Variants in MTA1 observed in about 807,000 individuals in gnomAD.
MTA1 encodes metastasis associated 1, also known as metastasis-associated protein MTA1.
MTA1 carries 15 observed loss-of-function variants against 97.0 expected under a neutral mutation model. The observed-to-expected ratio is 0.15, with a 90% CI of 0.10 to 0.24. The LOEUF is 0.24. MTA1 is among the 10% of genes least tolerant of loss of function. The probability of loss-of-function intolerance (pLI) is 1.00; values close to 1 mark genes in which losing one functional copy is unlikely to be tolerated. For missense variants in MTA1, 709 were observed against 1,015.1 expected (o/e 0.70, Z 4.10); for synonymous variants, 435 against 417.5 (o/e 1.04, Z -0.51).
chr14:105,458,932 G>A lies in MTA1; in HGVS notation c.653+560G>A, dbSNP rs1196191268. Among the ~76,000 whole-genome samples the A allele has an allele frequency of 5.9e-5, 9 of 152,220 alleles. No individual in the cohort carries two copies. In the East Asian group the frequency reaches 1.5e-3, roughly 26 times the overall value. On this transcript the variant is annotated intron_variant, in intron 8 of 20. Transcript: ENST00000331320. ...GGGGCCCAGGACACGAGGAGTCCTC[G>A]CCACCTGCGGGCTGCTCCCTGCGAT...
In MTA1 at chr14:105,467,765, T is replaced by A. The variant is rs190745878; in HGVS notation, c.1813+1023T>A. The A allele has an allele frequency of 3.1e-4, 93 of 297,268 alleles. No individual in the cohort carries two copies. In the East Asian group the frequency reaches 0.01, roughly 33 times the overall value. 18.4% of individuals were successfully genotyped at this position (297,268 alleles called of 1,614,324 possible). A position where few individuals can be genotyped will look rare whatever the true frequency, so the allele number is the denominator to read the frequency against. ...CCAGCCCACTCTGGGCTGGCTTTAC[T>A]TGTCTGTTCCTAATGGCAGGGCGTC... is the stretch of plus-strand genomic sequence containing the variant. On this transcript the variant is annotated intron_variant, in intron 18 of 20. Transcript: ENST00000331320.
At chr14:105,469,324 C>A in intron 18 of MTA1, 143 bp from the exon 19 acceptor site, 1 of 907,486 alleles carries the variant, frequency 1.1e-6, no homozygotes, top group Non-Finnish European at 1.8e-6. Flanking sequence ...CCACGTCCCC[C>A]AGGCCCATCC....
chr14:105,470,305 A>G lies in MTA1; in HGVS notation c.*90A>G, dbSNP rs2083788438. 6.2e-6 allele frequency: 7 copies of G among 1,128,010 alleles called. No homozygotes were observed. Among genetic ancestry groups the G allele is most frequent in the Non-Finnish European group, 5.7e-6 (5 of 876,720 alleles). 69.9% of individuals were successfully genotyped at this position (1,128,010 alleles called of 1,614,324 possible). On this transcript the variant is annotated 3_prime_UTR_variant, in exon 21 of 21. Coordinates refer to ENST00000331320, the MANE Select transcript of MTA1 (RefSeq NM_004689.4). ...CCCGCCGCCCGCCCCTCAGTTTGGT[A>G]GTGCCCCACCTCCCGCCCTCACCTG... is the stretch of plus-strand genomic sequence containing the variant.
At chr14:105,454,356 C>T in intron 7 of MTA1, 46 bp downstream of exon 7, 1 of 1,380,438 alleles carries the variant, frequency 7.2e-7, no homozygotes, top group South Asian at 1.2e-5. Context: ...CCTGTCCTGT[C>T]CTGCCGGGTG....
intron 1 of MTA1, among the ~76,000 whole-genome samples, chr14:105,435,173 G>A (rs1391575133): frequency 1.3e-5 from 2 of 152,218 alleles, no homozygotes; most frequent in African/African-American, 2.4e-5. Flanking sequence ...GTTTAATAGC[G>A]TATGTGTTGG....
chr14:105,421,122 C>T (rs1382811632), intron 1 of MTA1, among the ~76,000 whole-genome samples: 1 of 151,764 alleles, frequency 6.6e-6, no homozygotes, highest in African/African-American at 2.4e-5. Context: ...CGGTGGGAGC[C>T]CCCTACATCC....
chr14:105,457,191 G>T (rs773095858), intron 7 of MTA1, among the ~76,000 whole-genome samples: 8 of 152,190 alleles, frequency 5.3e-5, no homozygotes, highest in Non-Finnish European at 8.8e-5. Flanking sequence ...CGGCTGAGAG[G>T]TGGACAGAGG....
chr14:105,464,341 G>C (rs1394326644), intron 13 of MTA1, 75 bp from the exon 14 acceptor site: 1 of 1,579,634 alleles, frequency 6.3e-7, no homozygotes, highest in South Asian at 1.1e-5. Flanking sequence ...CGGCCGGCGT[G>C]GGGGTGGCGG....
At chr14:105,445,975 A>C in intron 3 of MTA1, 1 of 293,296 alleles carries the variant, frequency 3.4e-6, no homozygotes, top group Non-Finnish European at 6.6e-6. Flanking sequence ...TTACGATTCA[A>C]ACCCAAGTTT....
Position 105,450,040 on chromosome 14 carries a change from G to A in MTA1, c.242-18G>A. 1 of 1,613,400 alleles carries A rather than the reference G, an allele frequency of 6.2e-7. No individual in the cohort carries two copies. ...TGTGCGTCTGCCGCGGTGCTGACAG[G>A]GGCTCCTTGTCCTTCAGGGGAAATA... On this transcript the variant is annotated intron_variant, in intron 4 of 20. Transcript: ENST00000331320.
At position 105,463,480 on chromosome 14, in the gene MTA1, CT is replaced by C. The variant is rs2083441332; in HGVS notation, c.1018-9del. The C allele has an allele frequency of 1.2e-6, 2 of 1,613,136 alleles. No homozygotes were observed. The highest frequency in any genetic ancestry group is 4.5e-5 in the East Asian group (2 of 44,874). On this transcript the variant is annotated splice_polypyrimidine_tract_variant and intron_variant, in intron 11 of 20. Transcript: ENST00000331320. This position sits in a 1 kb window ranked among gnomAD's most constrained non-coding sequence, Gnocchi z 5.9. ...CTAGCCTGCTGACCTCTGACCTTCTCTTTTGTTTTAAGAAACGCTTGAAAGC... is the reference window on the plus strand; with the variant it reads ...CTAGCCTGCTGACCTCTGACCTTCTCTTTGTTTTAAGAAACGCTTGAAAGC...
In MTA1 at chr14:105,451,787, T is replaced by G. The variant is rs112278077; in HGVS notation, c.432+1463T>G. Among the ~76,000 whole-genome samples the G allele has an allele frequency of 8.2e-3, 1,111 of 135,836 alleles. 7 individuals carry two copies. The highest frequency in any genetic ancestry group is 0.029 in the African/African-American group (1,032 of 35,698). The allele number at this position is 135,836 out of a possible 152,430, so 89.1% of individuals were successfully genotyped here. ...CCTTTTTCTTTTTCTTTTTTTGTTT[T>G]TTTTTTTTTTTTTTTTTTTTGAGAC... On this transcript the variant is annotated intron_variant, in intron 6 of 20. Coordinates refer to ENST00000331320, the MANE Select transcript of MTA1 (RefSeq NM_004689.4).
chr14:105,452,850 C>T (rs989848246), intron 6 of MTA1, among the ~76,000 whole-genome samples: 4 of 152,190 alleles, frequency 2.6e-5, no homozygotes, highest in African/African-American at 4.8e-5. Context: ...AAAGAAAACA[C>T]GCAGAGTAGC....
At chr14:105,461,366 G>A (rs758720160) in intron 10 of MTA1, among the ~76,000 whole-genome samples, 5 of 152,220 alleles carry the variant, frequency 3.3e-5, no homozygotes, top group South Asian at 2.1e-4. Flanking sequence ...TCTGTCTCAC[G>A]TGAGTTTAGC....
In MTA1 at chr14:105,463,876, A is replaced by C; in HGVS notation, c.1077-156A>C. ...TCAGACCTCAGCAGTGGCTCCCAGGAACTGAAAGGGGAGAAAGGAAGATCC... is the reference window on the plus strand; with the variant it reads ...TCAGACCTCAGCAGTGGCTCCCAGGCACTGAAAGGGGAGAAAGGAAGATCC... On this transcript the variant is annotated intron_variant, in intron 12 of 20. Transcript: ENST00000331320. This position sits in a 1 kb window ranked among gnomAD's most constrained non-coding sequence, Gnocchi z 5.9. 1 of 747,830 alleles carries C rather than the reference A, an allele frequency of 1.3e-6. No homozygotes were observed. The highest frequency in any genetic ancestry group is 2.3e-6 in the Non-Finnish European group (1 of 431,276). 46.3% of individuals were successfully genotyped at this position (747,830 alleles called of 1,614,324 possible). A position where few individuals can be genotyped will look rare whatever the true frequency, so the allele number is the denominator to read the frequency against.
At chr14:105,460,605 A>C (rs1267146613) in intron 9 of MTA1, 148 bp downstream of exon 9, 3 of 1,191,962 alleles carry the variant, frequency 2.5e-6, no homozygotes, top group Non-Finnish European at 3.4e-6. Flanking sequence ...GGCCTTTCCT[A>C]TCCACCCCAA....
At chr14:105,469,629 G>A in intron 19 of MTA1, 131 bp downstream of exon 19, 1 of 1,252,176 alleles carries the variant, frequency 8.0e-7, no homozygotes, top group Non-Finnish European at 1.1e-6. Flanking sequence ...GACCAGAGGG[G>A]CTGCAGCATG....
chr14:105,466,424 A>AGTGGGGGGGGG lies in MTA1; in HGVS notation c.1625-1_1625insTGGGGGGGGGG. ...TCGTTCTGCCTGTGTCATTCCCGGC[A>AGTGGGGGGGGG]GAGACCCACCCCCGCCCCCCCAAGC... On this transcript the variant is annotated splice_acceptor_variant, in intron 16 of 20. Transcript: ENST00000331320. LOFTEE classifies it high-confidence loss of function. 1 of 1,550,346 alleles carries AGTGGGGGGGGG rather than the reference A, an allele frequency of 6.5e-7. No homozygotes were observed. Among genetic ancestry groups the AGTGGGGGGGGG allele is most frequent in the Non-Finnish European group, 8.8e-7 (1 of 1,132,596 alleles).
rs781808787 is a variant in MTA1 at position 105,465,062 on chromosome 14, C to T, written c.1535-32C>T. Reference sequence around the variant, plus strand: ...AGGGTCCCGTGCTCCCCTGGGGGTGCCCCACCCCTCACACCGTGTGGTACC... The same window carrying T: ...AGGGTCCCGTGCTCCCCTGGGGGTGTCCCACCCCTCACACCGTGTGGTACC... On this transcript the variant is annotated intron_variant, in intron 15 of 20. Transcript: ENST00000331320. The T allele has an allele frequency of 6.8e-6, 10 of 1,480,678 alleles. No homozygotes were observed. In the Admixed American group the frequency reaches 8.9e-5, roughly 13 times the overall value. The allele number at this position is 1,480,678 out of a possible 1,614,324, so 91.7% of individuals were successfully genotyped here. A position where few individuals can be genotyped will look rare whatever the true frequency, so the allele number is the denominator to read the frequency against.
Sources: gnomAD v4.1 joint callset for allele counts (sites outside exome capture counted in the v4.1 genomes callset) on GRCh38, gnomAD v4.1.1 for gene constraint, Gnocchi (gnomAD v3.1) non-coding constraint, MANE v1.5 for transcripts, NCBI Gene and HGNC (gene_info 2026-07-23, HGNC 2026-07-21) for gene names.